The following CMIP variants were observed in gnomAD, a reference collection of about 807,000 sequenced individuals.
The protein encoded by CMIP is c-Maf inducing protein.
Under a neutral mutation model 97.3 loss-of-function variants are expected in CMIP, and 13 were observed. That is an observed-to-expected ratio of 0.13 (90% confidence interval 0.09 to 0.21). CMIP has a LOEUF of 0.21. CMIP is among the 10% of genes least tolerant of loss of function. The pLI is 1.00. For missense variants in CMIP, 847 were observed against 1,024.9 expected, an observed-to-expected ratio of 0.83 and a Z score of 2.37; for synonymous variants, 538 against 436.3, an observed-to-expected ratio of 1.23 and a Z score of -2.91.
Position 81,652,247 on chromosome 16 carries a change from C to T in CMIP, c.522C>T (p.Arg174=), listed in dbSNP as rs1330808011. ...AGAAAGTGCTGAGTAACCCAAGCCG[C>T]TGGGAAGTTGTCTTGAAAGAGATCC... ...KYKKVLSNPS[R]WEVVLKEIRT... is the part of the protein sequence containing the mutation. Residue 174 remains arginine, a synonymous_variant, in exon 4 of 21, where the codon CGC becomes CGT. Transcript: ENST00000537098. This position sits in a 1 kb window ranked among gnomAD's most constrained non-coding sequence, Gnocchi z 5.2. The T allele has an allele frequency of 6.2e-7, 1 of 1,613,792 alleles. No homozygotes were observed.
At chr16:81,609,141 C>G (rs1040593877) in intron 2 of CMIP, among the ~76,000 whole-genome samples, 1 of 152,214 alleles carries the variant, frequency 6.6e-6, no homozygotes, top group African/African-American at 2.4e-5. Context: ...GCCCTCTACG[C>G]TTTTCTTTTA....
At chr16:81,572,336 A>T (rs935656338) in intron 1 of CMIP, among the ~76,000 whole-genome samples, 2 of 152,150 alleles carry the variant, frequency 1.3e-5, no homozygotes, top group Non-Finnish European at 2.9e-5. Flanking sequence ...CTGTGAATGA[A>T]CGCGGTCGCT....
At chr16:81,673,018 T>C (rs888054946) in intron 9 of CMIP, among the ~76,000 whole-genome samples, 1 of 151,878 alleles carries the variant, frequency 6.6e-6, no homozygotes, top group Admixed American at 6.6e-5. Context: ...TGTCAGAGGG[T>C]AAGAAAAACC....
intron 1 of CMIP, among the ~76,000 whole-genome samples, chr16:81,488,489 C>G (rs1255019727): frequency 6.6e-6 from 1 of 152,184 alleles, no homozygotes; most frequent in Non-Finnish European, 1.5e-5. Flanking sequence ...TTGTAGTCAT[C>G]CACTCATTCC....
chr16:81,568,993 A>G (rs1456652148), intron 1 of CMIP, among the ~76,000 whole-genome samples: 1 of 152,216 alleles, frequency 6.6e-6, no homozygotes, highest in Non-Finnish European at 1.5e-5. Context: ...CTCAAAAATC[A>G]AAGAGATGTA....
chr16:81,612,189 G>A lies in CMIP; in HGVS notation c.426+4497G>A, dbSNP rs138523575. ...AGCAGGCATTAAAGAGCAGCGCGGC[G>A]CAGATCATCTTCTGGGGGATTCTGC... On this transcript the variant is annotated intron_variant, in intron 2 of 20. Coordinates refer to ENST00000537098, the MANE Select transcript of CMIP (RefSeq NM_198390.3). Among the ~76,000 whole-genome samples the A allele has an allele frequency of 4.0e-3, 613 of 152,306 alleles. 3 individuals carry two copies. The highest frequency in any genetic ancestry group is 0.014 in the African/African-American group (577 of 41,556).
chr16:81,472,417 G>A (rs1907615137), intron 1 of CMIP, among the ~76,000 whole-genome samples: 2 of 152,284 alleles, frequency 1.3e-5, no homozygotes, highest in South Asian at 4.1e-4. Flanking sequence ...CGCCCGTTCT[G>A]GTATCCTGTG....
At position 81,668,819 on chromosome 16, in the gene CMIP, ACACT is replaced by A. The variant is rs138872974; in HGVS notation, c.826-1318_826-1315del. ...ACACACATCCATTCACACCCACCTC[ACACT>A]CACTGCCTTCCACACCCACCTCACA... On this transcript the variant is annotated intron_variant, in intron 7 of 20. Coordinates refer to ENST00000537098, the MANE Select transcript of CMIP (RefSeq NM_198390.3). Among the ~76,000 whole-genome samples, 10 of 149,906 alleles carry A rather than the reference ACACT, an allele frequency of 6.7e-5. No homozygotes were observed. In the South Asian group the frequency reaches 8.4e-4, roughly 13 times the overall value.
chr16:81,665,740 G>A (rs577428694), intron 7 of CMIP: 3 of 152,308 alleles, frequency 2.0e-5, no homozygotes, highest in African/African-American at 4.8e-5. Flanking sequence ...CCCTTCCCCA[G>A]TCAGGAATGG....
intron 1 of CMIP, among the ~76,000 whole-genome samples, chr16:81,555,697 G>C (rs183028087): frequency 1.1e-4 from 17 of 152,304 alleles, no homozygotes; most frequent in Admixed American, 3.9e-4. Context: ...AGGGTATACT[G>C]TGCTCCCCAA....
intron 3 of CMIP, among the ~76,000 whole-genome samples, chr16:81,644,371 C>T (rs1213384650): frequency 6.6e-6 from 1 of 152,062 alleles, no homozygotes; most frequent in Non-Finnish European, 1.5e-5. Flanking sequence ...GGAATAAGGC[C>T]AGGGGGCTGT....
intron 1 of CMIP, among the ~76,000 whole-genome samples, chr16:81,501,627 T>C (rs867836901): frequency 5.3e-4 from 80 of 150,206 alleles, no homozygotes; most frequent in Middle Eastern, 3.5e-3. Context: ...TTTTTTTTTT[T>C]CTGAGACGGT....
rs1281551724 is a variant in CMIP at position 81,678,472 on chromosome 16, C to A, written c.1232C>A (p.Thr411Asn). The change falls in exon 10 of 21, where the codon ACT becomes AAT. Residue 411 changes from threonine (T) to asparagine (N), a missense_variant. Transcript: ENST00000537098. The part of the protein sequence containing the change: ...EIHVEVERTS[T>N]AKPALTASAG... ...CACGTGGAGGTGGAACGCACCAGCA[C>A]TGCCAAGCCGGCGCTGACGGCCAGC... 5.6e-6 allele frequency: 9 copies of A among 1,593,100 alleles called. No individual in the cohort carries two copies. The highest frequency in any genetic ancestry group is 7.7e-6 in the Non-Finnish European group (9 of 1,170,790).
chr16:81,448,792 C>A (rs1210342139), intron 1 of CMIP, among the ~76,000 whole-genome samples: 3 of 152,254 alleles, frequency 2.0e-5, no homozygotes, highest in South Asian at 4.1e-4. Context: ...GAGGCCAGGG[C>A]CCCCTCCCTT....
intron 10 of CMIP, among the ~76,000 whole-genome samples, chr16:81,688,322 TCTCA>T (rs1905652061): frequency 2.0e-5 from 3 of 152,224 alleles, no homozygotes; most frequent in Admixed American, 2.0e-4. Flanking sequence ...CCGCAGCTGC[TCTCA>T]CTGAGGTTTA....
chr16:81,651,312 C>A, intron 3 of CMIP: 1 of 460,586 alleles, frequency 2.2e-6, no homozygotes, highest in Non-Finnish European at 2.9e-6. Context: ...CTCCGCCTTC[C>A]GAGGGCCTCC....
intron 1 of CMIP, among the ~76,000 whole-genome samples, chr16:81,570,243 G>T (rs11640346): frequency 0.4 from 60,611 of 152,028 alleles, 14,322 homozygotes; most frequent in Non-Finnish European, 0.53. Flanking sequence ...GGGTGGAGAA[G>T]GCGCATCCTC....
intron 1 of CMIP, among the ~76,000 whole-genome samples, chr16:81,575,628 C>T (rs895823373): frequency 2.0e-5 from 3 of 152,160 alleles, no homozygotes; most frequent in African/African-American, 7.2e-5. Context: ...TTGTCACCTC[C>T]TTGGTTCCTC....
At chr16:81,644,259 T>G (rs1428786754) in intron 3 of CMIP, among the ~76,000 whole-genome samples, 2 of 152,208 alleles carry the variant, frequency 1.3e-5, no homozygotes, top group Non-Finnish European at 2.9e-5. Context: ...ACTGGAAATG[T>G]GCACAGATAA....
Sources: gnomAD v4.1 joint callset for allele counts (sites outside exome capture counted in the v4.1 genomes callset) on GRCh38, gnomAD v4.1.1 for gene constraint, Gnocchi (gnomAD v3.1) non-coding constraint, MANE v1.5 for transcripts, NCBI Gene and HGNC (gene_info 2026-07-23, HGNC 2026-07-21) for gene names.